Variants in LYN observed in about 807,000 individuals in gnomAD.
LYN encodes the protein LYN proto-oncogene, Src family tyrosine kinase, also known as tyrosine-protein kinase Lyn.
Under a neutral mutation model 65.0 loss-of-function variants are expected in LYN, and 12 were observed. That is an observed-to-expected ratio of 0.18 (90% CI 0.12 to 0.30). LYN has a LOEUF of 0.30. Ranked by LOEUF, LYN falls within the 10% of genes least tolerant of loss-of-function variation. LYN has a pLI of 1.00. For synonymous variants in LYN, 222 were observed against 221.2 expected, an observed-to-expected ratio of 1.00 and a Z score of -0.03; for missense variants, 380 against 623.2, an observed-to-expected ratio of 0.61 and a Z score of 4.16.
At position 56,012,702 on chromosome 8, in the gene LYN, G is replaced by A. The variant is rs1808850640; in HGVS notation, c.*2592G>A. 3 of 151,900 alleles carry A rather than the reference G, an allele frequency of 2.0e-5. No individual in the cohort carries two copies. In the South Asian group the frequency reaches 6.2e-4, roughly 31 times the overall value. The allele number at this position is 151,900 out of a possible 1,614,324, so 9.4% of individuals were successfully genotyped here. A position where few individuals can be genotyped will look rare whatever the true frequency, so the allele number is the denominator to read the frequency against. ...CCACTGCACTCCAGCCTGGGCAAGA[G>A]TGAGACCCTGTCTCAAAAAAAAAAA... On this transcript the variant is annotated 3_prime_UTR_variant, in exon 13 of 13. Transcript: ENST00000519728.
Position 55,996,063 on chromosome 8 carries a change from A to G in LYN, c.1051-2283A>G, listed in dbSNP as rs946925640. Reference sequence around the variant, plus strand: ...TTTGGTGACAAGTTTGAAGGCTCCAATGTATACAAGTGAGAATAGAAAAGA... The same window carrying G: ...TTTGGTGACAAGTTTGAAGGCTCCAGTGTATACAAGTGAGAATAGAAAAGA... On this transcript the variant is annotated intron_variant, in intron 10 of 12. Transcript: ENST00000519728. 3.9e-5 allele frequency among the ~76,000 whole-genome samples: 6 copies of G among 152,216 alleles called. No individual in the cohort carries two copies. In the East Asian group the frequency reaches 1.2e-3, roughly 29 times the overall value.
At chr8:55,942,920 A>C (rs995878033) in intron 2 of LYN, among the ~76,000 whole-genome samples, 2 of 152,162 alleles carry the variant, frequency 1.3e-5, no homozygotes, top group African/African-American at 4.8e-5. Flanking sequence ...CTGTCCTGTC[A>C]TTTCTTCAAT....
chr8:55,928,307 G>T (rs551877785), intron 1 of LYN, among the ~76,000 whole-genome samples: 2 of 152,240 alleles, frequency 1.3e-5, no homozygotes, highest in African/African-American at 4.8e-5. Context: ...CACCACGCCC[G>T]GCTAGTTTTT....
At chr8:55,923,103 C>T (rs538520086) in intron 1 of LYN, among the ~76,000 whole-genome samples, 2 of 151,978 alleles carry the variant, frequency 1.3e-5, no homozygotes, top group Admixed American at 6.6e-5. Context: ...GTTTGAGCCT[C>T]GGGTGACTGG....
At chr8:55,913,376 G>A (rs1213312887) in intron 1 of LYN, among the ~76,000 whole-genome samples, 1 of 152,164 alleles carries the variant, frequency 6.6e-6, no homozygotes, top group Admixed American at 6.5e-5. Context: ...CAGCCTCCTT[G>A]TAAAGTCTCA....
chr8:55,896,159 G>T (rs2130372028), intron 1 of LYN, among the ~76,000 whole-genome samples: 1 of 151,766 alleles, frequency 6.6e-6, no homozygotes, highest in East Asian at 1.9e-4. Context: ...CATCCTAGCT[G>T]CTCTGGAGGC....
chr8:55,988,291 G>GGTGTGTGTGTGTGTGTGT (rs57413136), intron 10 of LYN, among the ~76,000 whole-genome samples: 14 of 142,100 alleles, frequency 9.9e-5, no homozygotes, highest in African/African-American at 2.9e-4. Flanking sequence ...CAAACTCCCT[G>GGTGTGTGTGTGTGTGTGT]GTGTGTGTGT....
At chr8:55,903,966 G>C (rs1369555362) in intron 1 of LYN, among the ~76,000 whole-genome samples, 2 of 151,928 alleles carry the variant, frequency 1.3e-5, no homozygotes, top group Non-Finnish European at 2.9e-5. Context: ...AGCTGCACTG[G>C]GCTGTGATTG....
chr8:55,976,681 G>A (rs750673482), intron 10 of LYN, among the ~76,000 whole-genome samples: 1 of 152,212 alleles, frequency 6.6e-6, no homozygotes, highest in Non-Finnish European at 1.5e-5. Flanking sequence ...GCGTAGTAGG[G>A]TGGGCTAGCA....
At chr8:55,914,479 A>T (rs1470330099) in intron 1 of LYN, among the ~76,000 whole-genome samples, 1 of 152,098 alleles carries the variant, frequency 6.6e-6, no homozygotes, top group Admixed American at 6.6e-5. Flanking sequence ...CAGAGCTCAG[A>T]GAGGCACTAT....
At chr8:56,001,213 G>T (rs561021992) in intron 12 of LYN, among the ~76,000 whole-genome samples, 6 of 152,140 alleles carry the variant, frequency 3.9e-5, no homozygotes, top group Admixed American at 3.9e-4. Flanking sequence ...AGCGTGGTTT[G>T]GGCCTCTGTG....
At chr8:55,985,641 C>T (rs910743161) in intron 10 of LYN, among the ~76,000 whole-genome samples, 5 of 152,164 alleles carry the variant, frequency 3.3e-5, no homozygotes, top group African/African-American at 1.2e-4. Flanking sequence ...GCACAGCTGC[C>T]TGCTATGTAT....
At chr8:55,969,895 G>C in intron 10 of LYN, 102 bp downstream of exon 10, 1 of 1,019,042 alleles carries the variant, frequency 9.8e-7, no homozygotes, top group Non-Finnish European at 1.5e-6. Context: ...AATTTCTGTT[G>C]AATGTTTCCC....
At chr8:55,986,164 CA>C (rs1377875463) in intron 10 of LYN, among the ~76,000 whole-genome samples, 16 of 135,928 alleles carry the variant, frequency 1.2e-4, no homozygotes, top group South Asian at 4.7e-4. Flanking sequence ...GACCCTGTCT[CA>C]AAAAAAAAAT....
chr8:55,909,884 AT>A (rs1805547332), intron 1 of LYN, among the ~76,000 whole-genome samples: 1 of 150,396 alleles, frequency 6.6e-6, no homozygotes, highest in African/African-American at 2.5e-5. Context: ...GATGTTGAGG[AT>A]TTTTTTCATA....
At chr8:55,966,616 C>T (rs1170171172) in intron 8 of LYN, 99 bp from the exon 9 acceptor site, 3 of 1,045,698 alleles carry the variant, frequency 2.9e-6, no homozygotes, top group East Asian at 2.6e-5. Context: ...GACCCACTCA[C>T]CTCGACCTCC....
chr8:56,001,793 G>C (rs1000299900), intron 12 of LYN, among the ~76,000 whole-genome samples: 3 of 151,946 alleles, frequency 2.0e-5, no homozygotes, highest in Non-Finnish European at 4.4e-5. Context: ...TCTCATAAAA[G>C]AATGTTTTGT....
Position 55,880,039 on chromosome 8 carries a change from C to A in LYN, c.-70C>A, listed in dbSNP as rs1251871160. ...CAGGTCCTGCTGGGCCGCCCCGTCGCGCCCCCCACTCTGAACTCAAGTCAC... is the reference window on the plus strand; with the variant it reads ...CAGGTCCTGCTGGGCCGCCCCGTCGAGCCCCCCACTCTGAACTCAAGTCAC... On this transcript the variant is annotated 5_prime_UTR_variant, in exon 1 of 13. Coordinates refer to ENST00000519728, the MANE Select transcript of LYN (RefSeq NM_002350.4). The A allele has an allele frequency of 3.2e-6, 1 of 310,384 alleles. No homozygotes were observed. Among genetic ancestry groups the A allele is most frequent in the Non-Finnish European group, 6.5e-6 (1 of 152,848 alleles). The allele number at this position is 310,384 out of a possible 1,614,324, so 19.2% of individuals were successfully genotyped here. A position where few individuals can be genotyped will look rare whatever the true frequency, so the allele number is the denominator to read the frequency against.
intron 1 of LYN, among the ~76,000 whole-genome samples, chr8:55,886,117 G>A (rs992533375): frequency 5.9e-5 from 9 of 152,164 alleles, no homozygotes; most frequent in Admixed American, 1.3e-4. Flanking sequence ...TAGACGTTTC[G>A]AAATCTTTTA....
Sources: allele counts gnomAD v4.1 joint callset (sites outside exome capture counted in the v4.1 genomes callset), GRCh38; gene constraint gnomAD v4.1.1; transcripts MANE v1.5; gene names NCBI Gene and HGNC (gene_info 2026-07-23, HGNC 2026-07-21).